Variants in MROH2A observed in about 807,000 individuals in gnomAD.
The protein encoded by MROH2A is maestro heat like repeat family member 2A.
Under a neutral mutation model 200.4 loss-of-function variants are expected in MROH2A, and 174 were observed. The observed-to-expected ratio is 0.87, with a 90% CI of 0.77 to 0.98. The LOEUF is 0.98. Among genes scored for constraint, MROH2A ranks in the 50% least tolerant of loss-of-function variants. The pLI, the probability that MROH2A is intolerant of heterozygous loss-of-function variation, is 0.00. For missense variants in MROH2A, 2,045 were observed against 2,139.6 expected, an observed-to-expected ratio of 0.96 and a Z score of 0.87; for synonymous variants, 829 against 840.4, an observed-to-expected ratio of 0.99 and a Z score of 0.23.
At chr2:233,792,533 T>A (rs1157515743) in intron 5 of MROH2A, among the ~76,000 whole-genome samples, 6 of 152,088 alleles carry the variant, frequency 3.9e-5, no homozygotes, top group South Asian at 2.1e-4. Context: ...CAGGATGACC[T>A]CGATCTCCTG....
In MROH2A at chr2:233,828,884, C is replaced by T; in HGVS notation, c.4264-6C>T. On this transcript the variant is annotated splice_region_variant and splice_polypyrimidine_tract_variant and intron_variant, in intron 36 of 41. Coordinates refer to ENST00000389758, the MANE Select transcript of MROH2A (RefSeq NM_001394639.1). This position sits in a 1 kb window ranked among gnomAD's most constrained non-coding sequence, Gnocchi z 4.6. ...TGCAGGCTGAGGGCTGCCCATGCCCCTCCAGGTGAAGCAGTACCGGAAGGT... is the reference window on the plus strand; with the variant it reads ...TGCAGGCTGAGGGCTGCCCATGCCCTTCCAGGTGAAGCAGTACCGGAAGGT... 6.4e-7 allele frequency: 1 copy of T among 1,550,420 alleles called. No individual in the cohort carries two copies. Among genetic ancestry groups the T allele is most frequent in the South Asian group, 1.2e-5 (1 of 84,058 alleles).
intron 5 of MROH2A, among the ~76,000 whole-genome samples, chr2:233,791,073 G>A (rs1010668742): frequency 2.0e-5 from 3 of 152,230 alleles, no homozygotes; most frequent in Admixed American, 1.3e-4. Context: ...GAAGAGCTTG[G>A]AATCTCTGAA....
At chr2:233,789,351 T>C in intron 3 of MROH2A, 146 bp from the exon 4 acceptor site, 1 of 837,786 alleles carries the variant, frequency 1.2e-6, no homozygotes, top group Non-Finnish European at 1.6e-6. Flanking sequence ...AGCAGGAGGA[T>C]TTAGAAATGG....
chr2:233,779,498 A>G (rs760351375), intron 2 of MROH2A, 46 bp downstream of exon 2: 31 of 1,465,374 alleles, frequency 2.1e-5, no homozygotes, highest in Non-Finnish European at 2.9e-5. Context: ...CATCTCAGAC[A>G]CTAACTCTTT....
intron 15 of MROH2A, 121 bp from the exon 16 acceptor site, chr2:233,803,327 T>G: frequency 9.9e-7 from 1 of 1,011,248 alleles, no homozygotes; most frequent in Non-Finnish European, 1.5e-6. Context: ...TTCTGGGGGT[T>G]TGGGGAACAA....
rs934996589 is a variant in MROH2A, at chr2:233,809,215, C to T, written c.2385C>T (p.Leu795=). The T allele has an allele frequency of 1.9e-6, 3 of 1,550,558 alleles. No homozygotes were observed. The highest frequency in any genetic ancestry group is 2.4e-5 in the East Asian group (1 of 40,912). ...CVASYCHPQL[L]LNLVDSPITA... ...CCTCCTACTGCCACCCCCAGTTGCT[C>T]CTCAACCTCGTGGACAGCCCCATCA... Residue 795 remains leucine (L), a synonymous_variant, in exon 22 of 42, where the codon CTC becomes CTT. Transcript: ENST00000389758.
intron 14 of MROH2A, among the ~76,000 whole-genome samples, chr2:233,800,698 A>C (rs1002464055): frequency 6.6e-6 from 1 of 151,688 alleles, no homozygotes; most frequent in African/African-American, 2.4e-5. Context: ...TAATTTTGTA[A>C]ACATTCATTG....
Position 233,811,896 on chromosome 2 carries a change from A to G in MROH2A, c.2588A>G (p.Glu863Gly). The change falls in exon 24 of 42, where the codon GAA (glutamate) becomes GGA (glycine). Residue 863 changes from glutamate to glycine, a missense_variant. Transcript: ENST00000389758. ...GTTGGACAGGCGGTCATCAAGGCAG[A>G]ACCGACTGACAACCTGGTTTCTCCA... ...TSIIVAVIKA[E>G]PTDNLVSPVR... 1 of 1,550,408 alleles carries G rather than the reference A, an allele frequency of 6.4e-7. No individual in the cohort carries two copies. Among genetic ancestry groups the G allele is most frequent in the Non-Finnish European group, 8.7e-7 (1 of 1,146,898 alleles).
At chr2:233,832,314 C>T in intron 40 of MROH2A, 35 bp downstream of exon 40, 1 of 1,527,560 alleles carries the variant, frequency 6.5e-7, no homozygotes. Context: ...TCAAGATAGA[C>T]TTTGAAGGCC....
intron 25 of MROH2A, 93 bp downstream of exon 25, chr2:233,813,871 C>T: frequency 1.5e-6 from 1 of 659,904 alleles, no homozygotes; most frequent in African/African-American, 1.8e-5. Context: ...CCTGAACCAC[C>T]TTTGAGTGTT....
chr2:233,790,126 C>G, intron 5 of MROH2A, 112 bp downstream of exon 5: 1 of 1,042,578 alleles, frequency 9.6e-7, no homozygotes, highest in Non-Finnish European at 1.3e-6. Context: ...TTTCATTTCT[C>G]TCTTTTTCCC....
chr2:233,825,518 T>C (rs146865778), intron 35 of MROH2A, among the ~76,000 whole-genome samples: 4,718 of 152,316 alleles, frequency 0.031, 235 homozygotes, highest in African/African-American at 0.11. Flanking sequence ...TGGGAGTTTT[T>C]AACATGAAGG....
intron 3 of MROH2A, among the ~76,000 whole-genome samples, chr2:233,787,006 C>T (rs1184455049): frequency 6.6e-6 from 1 of 152,080 alleles, no homozygotes; most frequent in Non-Finnish European, 1.5e-5. Flanking sequence ...ACTTTTTTCC[C>T]TACAGAGATG....
chr2:233,799,855 C>G lies in MROH2A; in HGVS notation c.1405C>G (p.Leu469Val). 1 of 1,550,550 alleles carries G rather than the reference C, an allele frequency of 6.4e-7. No individual in the cohort carries two copies. Among genetic ancestry groups the G allele is most frequent in the African/African-American group, 1.4e-5 (1 of 73,154 alleles). Reference protein sequence around the residue: ...GYQERIKGWGLKYLSVQLTLS... With the variant: ...GYQERIKGWGVKYLSVQLTLS... The stretch of plus-strand genomic sequence containing the variant: ...CCAGGAGAGAATCAAAGGCTGGGGC[C>G]TGAAGTACCTGTCTGTGCAGCTGAC... Residue 469 changes from leucine to valine, a missense_variant, in exon 13 of 42, where the codon CTG becomes GTG. This residue lies in a region of MROH2A where 831 missense variants were observed against 800.0 expected (regional missense o/e 1.04). Coordinates refer to ENST00000389758, the MANE Select transcript of MROH2A (RefSeq NM_001394639.1).
In MROH2A at chr2:233,779,853, G is replaced by T; in HGVS notation, c.276+1G>T. On this transcript the variant is annotated splice_donor_variant, in intron 3 of 41. Coordinates refer to ENST00000389758, the MANE Select transcript of MROH2A (RefSeq NM_001394639.1). LOFTEE classifies it high-confidence loss of function. ...CATCCGCTGCCTGCAGGTGCCAGAG[G>T]TAGGGCCATCTTACCCACTGGGCTC... 2 of 1,549,150 alleles carry T rather than the reference G, an allele frequency of 1.3e-6. No individual in the cohort carries two copies. The highest frequency in any genetic ancestry group is 1.7e-6 in the Non-Finnish European group (2 of 1,146,624).
rs562133268 is a variant in MROH2A at position 233,790,211 on chromosome 2, A to T, written c.571+197A>T. The stretch of plus-strand genomic sequence containing the variant: ...TAAGATTCTGTGTGTTCTGTCTCTC[A>T]TCCTTCTTCCCCCTCTCTCCTGCTC... On this transcript the variant is annotated intron_variant, in intron 5 of 41. Transcript: ENST00000389758. Among the ~76,000 whole-genome samples, 70 of 151,384 alleles carry T rather than the reference A, an allele frequency of 4.6e-4. 1 individual carries two copies. The highest frequency in any genetic ancestry group is 1.6e-3 in the African/African-American group (67 of 41,236).
At chr2:233,788,031 A>T (rs376697487) in intron 3 of MROH2A, among the ~76,000 whole-genome samples, 44 of 63,440 alleles carry the variant, frequency 6.9e-4, no homozygotes, top group South Asian at 3.5e-3. Context: ...TACATATATT[A>T]TATATATACA....
chr2:233,829,504 G>C, intron 37 of MROH2A, 116 bp from the exon 38 acceptor site: 1 of 1,034,116 alleles, frequency 9.7e-7, no homozygotes, highest in Non-Finnish European at 1.3e-6. Context: ...CACCCTGACG[G>C]AATGATCCAG....
intron 3 of MROH2A, among the ~76,000 whole-genome samples, chr2:233,782,109 T>C (rs540252773): frequency 6.6e-6 from 1 of 152,356 alleles, no homozygotes; most frequent in South Asian, 2.1e-4. Context: ...AGTACCATGC[T>C]ATTTTGGTTA....
Sources: allele counts gnomAD v4.1 joint callset (sites outside exome capture counted in the v4.1 genomes callset), GRCh38; gene constraint gnomAD v4.1.1; regional missense constraint gnomAD v4.1.1; non-coding constraint Gnocchi (gnomAD v3.1); transcripts MANE v1.5; gene names NCBI Gene and HGNC (gene_info 2026-07-23, HGNC 2026-07-21).